STK38L: variants seen among roughly 807,000 people sequenced by gnomAD.
STK38L encodes serine/threonine kinase 38 like.
A neutral mutation model predicts 59.7 loss-of-function variants in STK38L; 28 were observed. The observed-to-expected ratio is 0.47, with a 90% confidence interval of 0.35 to 0.64. The LOEUF (loss-of-function observed/expected upper bound fraction) is 0.64. Among genes scored for constraint, STK38L ranks in the 30% least tolerant of loss-of-function variants. The pLI is 0.01. For missense variants in STK38L, 314 were observed against 555.8 expected, an observed-to-expected ratio of 0.56 and a Z score of 4.37; for synonymous variants, 162 against 176.8, an observed-to-expected ratio of 0.92 and a Z score of 0.66.
At chr12:27,277,205 T>C (rs994398205) in intron 1 of STK38L, among the ~76,000 whole-genome samples, 3 of 151,776 alleles carry the variant, frequency 2.0e-5, no homozygotes, top group African/African-American at 7.3e-5. Flanking sequence ...CCCCGCTTTG[T>C]TCCTCGATTT....
At chr12:27,271,410 A>G (rs1219029316) in intron 1 of STK38L, among the ~76,000 whole-genome samples, 2 of 152,230 alleles carry the variant, frequency 1.3e-5, no homozygotes, top group Non-Finnish European at 2.9e-5. Context: ...ATGGAAGTGT[A>G]TGGTGGATCA....
chr12:27,254,694 A>C (rs1943051972), intron 1 of STK38L, among the ~76,000 whole-genome samples: 1 of 152,198 alleles, frequency 6.6e-6, no homozygotes, highest in African/African-American at 2.4e-5. Context: ...TTTTGGCTTT[A>C]GTGCCATTAC....
intron 1 of STK38L, among the ~76,000 whole-genome samples, chr12:27,258,206 G>A (rs1565524298): frequency 6.6e-6 from 1 of 152,148 alleles, no homozygotes; most frequent in Non-Finnish European, 1.5e-5. Context: ...CTTTAAAAAT[G>A]TAATTTAAAA....
chr12:27,290,871 A>G (rs945893462), intron 1 of STK38L, among the ~76,000 whole-genome samples: 1 of 152,182 alleles, frequency 6.6e-6, no homozygotes, highest in Non-Finnish European at 1.5e-5. Context: ...GAAACCTTCT[A>G]CTTTCTAAAT....
intron 3 of STK38L, among the ~76,000 whole-genome samples, chr12:27,302,816 C>G (rs796666687): frequency 2.4e-4 from 37 of 151,210 alleles, no homozygotes; most frequent in African/African-American, 8.3e-4. Flanking sequence ...GTCAGGAGAT[C>G]GAGACCACGG....
chr12:27,281,967 C>G (rs1296709464), intron 1 of STK38L, among the ~76,000 whole-genome samples: 2 of 152,128 alleles, frequency 1.3e-5, no homozygotes, highest in African/African-American at 4.8e-5. Context: ...ACCCGGGAGG[C>G]TGAGGCTGCA....
rs573119002 is a variant in STK38L at position 27,279,771 on chromosome 12, G to A, written c.-11-17939G>A. The stretch of plus-strand genomic sequence containing the variant: ...CTTGAGGTGGTTGTTTTTCCACACG[G>A]TTTATAATGAAAGAGATGAGAAAAA... On this transcript the variant is annotated intron_variant, in intron 1 of 13. Coordinates refer to ENST00000389032, the MANE Select transcript of STK38L (RefSeq NM_015000.4). 3.4e-4 allele frequency among the ~76,000 whole-genome samples: 51 copies of A among 151,244 alleles called. No individual in the cohort carries two copies. The South Asian group carries it at 0.011, about 32-fold the overall frequency.
chr12:27,321,728 C>G (rs1944733157), intron 12 of STK38L, among the ~76,000 whole-genome samples: 1 of 151,986 alleles, frequency 6.6e-6, no homozygotes, highest in South Asian at 2.1e-4. Context: ...CTTGATAGCA[C>G]AAGAGGGTGA....
chr12:27,256,700 T>C (rs923394084), intron 1 of STK38L, among the ~76,000 whole-genome samples: 1 of 152,248 alleles, frequency 6.6e-6, no homozygotes, highest in African/African-American at 2.4e-5. Flanking sequence ...GGAAAGTGTT[T>C]CCTTATATAA....
chr12:27,280,922 G>A (rs1385898186), intron 1 of STK38L, among the ~76,000 whole-genome samples: 4 of 152,284 alleles, frequency 2.6e-5, no homozygotes, highest in South Asian at 2.1e-4. Context: ...TAGACGAGTT[G>A]ATCCTTTTAA....
chr12:27,322,159 A>G lies in STK38L; in HGVS notation c.1192A>G (p.Ile398Val), dbSNP rs1007662676. The change falls in exon 13 of 14, where the codon ATC becomes GTC. Residue 398 changes from isoleucine (I) to valine (V), a missense_variant. Physicochemically the swap from Ile to Val is conservative, Grantham distance 29 (BLOSUM62 3). Transcript: ENST00000389032. ...TTTTTATAGGGAAAGGCCAGCAGCA[A>G]TCCCTATAGAAATCAAAAGCATTGA... ...WEHIRERPAA[I>V]PIEIKSIDDT... The G allele has an allele frequency of 2.5e-6, 4 of 1,613,600 alleles. No homozygotes were observed. Among genetic ancestry groups the G allele is most frequent in the Non-Finnish European group, 3.4e-6 (4 of 1,179,854 alleles).
chr12:27,317,522 A>G (rs1944615376), intron 10 of STK38L, 69 bp downstream of exon 10: 1 of 1,232,958 alleles, frequency 8.1e-7, no homozygotes, highest in Non-Finnish European at 1.2e-6. Context: ...TGAACATATT[A>G]CAGATATCAT....
intron 1 of STK38L, among the ~76,000 whole-genome samples, chr12:27,261,836 T>C (rs1348327700): frequency 1.3e-5 from 2 of 152,228 alleles, no homozygotes; most frequent in Non-Finnish European, 2.9e-5. Context: ...TTGAGTGATA[T>C]GAAGATGATG....
chr12:27,317,211 A>T, intron 9 of STK38L, 125 bp from the exon 10 acceptor site: 1 of 673,024 alleles, frequency 1.5e-6, no homozygotes, highest in Middle Eastern at 2.5e-4. Flanking sequence ...CATGATAAAC[A>T]TGCAAAATAA....
At chr12:27,314,816 A>G (rs1307473382) in intron 7 of STK38L, among the ~76,000 whole-genome samples, 158 bp downstream of exon 7, 1 of 152,246 alleles carries the variant, frequency 6.6e-6, no homozygotes, top group African/African-American at 2.4e-5. Flanking sequence ...AAATGACAAC[A>G]GGGAATATGG....
At chr12:27,274,420 A>G (rs79696726) in intron 1 of STK38L, among the ~76,000 whole-genome samples, 2 of 152,270 alleles carry the variant, frequency 1.3e-5, no homozygotes, top group African/African-American at 2.4e-5. Context: ...ATGGTTTTCA[A>G]ATCTGGGGGG....
chr12:27,301,724 G>A (rs192985835), intron 2 of STK38L, among the ~76,000 whole-genome samples: 1 of 152,284 alleles, frequency 6.6e-6, no homozygotes, highest in East Asian at 1.9e-4. Context: ...TAGCTAATAA[G>A]TGTTAGAACC....
intron 1 of STK38L, among the ~76,000 whole-genome samples, chr12:27,258,501 G>A (rs1029352309): frequency 1.3e-5 from 2 of 151,886 alleles, no homozygotes; most frequent in African/African-American, 4.8e-5. Context: ...GCTAATTTTT[G>A]TATTTTTAGT....
intron 1 of STK38L, among the ~76,000 whole-genome samples, chr12:27,270,028 A>G (rs1034003368): frequency 2.4e-4 from 36 of 152,172 alleles, no homozygotes; most frequent in African/African-American, 8.7e-4. Context: ...CCCGTATTCA[A>G]ACTGCTACAA....
Sources: allele counts gnomAD v4.1 joint callset (sites outside exome capture counted in the v4.1 genomes callset), GRCh38; gene constraint gnomAD v4.1.1; transcripts MANE v1.5; gene names NCBI Gene and HGNC (gene_info 2026-07-23, HGNC 2026-07-21).